Variants in DMD observed in about 807,000 individuals in gnomAD.
DMD encodes mutant dystrophin.
DMD carries 63 observed loss-of-function variants against 330.1 expected under a neutral mutation model. That is an observed-to-expected ratio of 0.19 (90% CI 0.16 to 0.24). The LOEUF (loss-of-function observed/expected upper bound fraction) is 0.24, where lower values mean the gene tolerates loss of function less well. Among genes scored for constraint, DMD ranks in the 10% least tolerant of loss-of-function variants. The pLI is 1.00. For synonymous variants in DMD, 1,223 were observed against 959.8 expected (o/e 1.27, Z -5.07); for missense variants, 3,344 against 2,684.1 (o/e 1.25, Z -5.43).
At chrX:31,520,115 T>G (rs2072609960) in intron 55 of DMD, among the ~76,000 whole-genome samples, 1 of 112,430 alleles carries the variant, frequency 8.9e-6, no homozygotes, top group Non-Finnish European at 1.9e-5. Context: ...GAAAAAAATG[T>G]CATAAAGGAA....
intron 43 of DMD, among the ~76,000 whole-genome samples, chrX:32,262,502 A>G (rs1209134969): frequency 9.0e-6 from 1 of 111,730 alleles, no homozygotes; most frequent in Admixed American, 9.5e-5. Context: ...ATTGTATATC[A>G]TTTATACCAC....
intron 7 of DMD, among the ~76,000 whole-genome samples, chrX:32,725,722 T>G (rs1647636212): frequency 9.0e-6 from 1 of 110,891 alleles, no homozygotes. Context: ...AAGCTGGGGT[T>G]GGTTAATGGG....
intron 7 of DMD, among the ~76,000 whole-genome samples, chrX:32,802,491 G>A (rs2076647884): frequency 9.0e-6 from 1 of 111,464 alleles, no homozygotes; most frequent in Non-Finnish European, 1.9e-5. Flanking sequence ...TGATTGTGCT[G>A]GCCAGAACTT....
intron 1 of DMD, among the ~76,000 whole-genome samples, chrX:33,235,525 CACA>C (rs2052460731): frequency 8.9e-6 from 1 of 112,166 alleles, no homozygotes; most frequent in Non-Finnish European, 1.9e-5. Context: ...TAGTCCTACA[CACA>C]ACAATGGTCT....
chrX:33,217,426 C>T (rs1025663680), intron 1 of DMD, among the ~76,000 whole-genome samples: 1 of 111,254 alleles, frequency 9.0e-6, no homozygotes, highest in African/African-American at 3.3e-5. Flanking sequence ...CAGTATATAT[C>T]TCCGTTTATT....
chrX:32,743,230 TAA>T (rs2069532826), intron 7 of DMD, among the ~76,000 whole-genome samples: 1 of 111,279 alleles, frequency 9.0e-6, no homozygotes, highest in Non-Finnish European at 1.9e-5. Flanking sequence ...CTTCAAAGGA[TAA>T]GTCTGAGGTG....
chrX:32,111,144 T>G (rs765807531), intron 44 of DMD, among the ~76,000 whole-genome samples: 1 of 112,128 alleles, frequency 8.9e-6, no homozygotes, highest in African/African-American at 3.2e-5. Flanking sequence ...AAGGTTCCAT[T>G]TTCACATACG....
At chrX:32,407,398 G>C (rs1364908798) in intron 30 of DMD, among the ~76,000 whole-genome samples, 1 of 111,930 alleles carries the variant, frequency 8.9e-6, no homozygotes, top group Non-Finnish European at 1.9e-5. Flanking sequence ...CTGGCCATCA[G>C]AGAAATGCAA....
chrX:31,137,475 A>G (rs1800212743), intron 76 of DMD, among the ~76,000 whole-genome samples: 1 of 112,075 alleles, frequency 8.9e-6, no homozygotes, highest in Admixed American at 9.4e-5. Context: ...AAGTAATACC[A>G]TTGTAATATT....
chrX:32,337,955 C>A (rs2097723459), intron 41 of DMD, among the ~76,000 whole-genome samples: 1 of 111,277 alleles, frequency 9.0e-6, no homozygotes, highest in Admixed American at 9.6e-5. Context: ...TTATTTTACA[C>A]AAATATATTG....
chrX:33,265,333 A>T (rs897881729), intron 1 of DMD, among the ~76,000 whole-genome samples: 1 of 111,127 alleles, frequency 9.0e-6, no homozygotes, highest in East Asian at 2.8e-4. Flanking sequence ...AAAAGATGCC[A>T]TTATTACAAC....
intron 5 of DMD, among the ~76,000 whole-genome samples, chrX:32,819,397 C>T (rs1270470177): frequency 9.0e-6 from 1 of 111,040 alleles, no homozygotes; most frequent in Non-Finnish European, 1.9e-5. Context: ...TAGCTCACCA[C>T]TGTTAGCAAG....
At chrX:31,336,163 C>T (rs895300170) in intron 61 of DMD, among the ~76,000 whole-genome samples, 1 of 112,745 alleles carries the variant, frequency 8.9e-6, no homozygotes, top group Admixed American at 9.3e-5. Context: ...AATAATTCCT[C>T]AGGCATAGGT....
At chrX:33,309,675 A>G (rs1288944601) in intron 1 of DMD, among the ~76,000 whole-genome samples, 1 of 111,174 alleles carries the variant, frequency 9.0e-6, no homozygotes, top group East Asian at 2.8e-4. Flanking sequence ...AGATGCAACC[A>G]TTTGCATAAA....
intron 23 of DMD, 126 bp from the exon 24 acceptor site, chrX:32,464,825 T>C: frequency 9.5e-6 from 5 of 524,788 alleles, no homozygotes; most frequent in Non-Finnish European, 1.7e-5. Flanking sequence ...CTCTAAGTAG[T>C]TCTTGAGGCA....
intron 50 of DMD, among the ~76,000 whole-genome samples, chrX:31,793,388 A>C (rs6628646): frequency 9.0e-6 from 1 of 110,691 alleles, no homozygotes; most frequent in East Asian, 2.9e-4. Flanking sequence ...GAGTTGTGTA[A>C]ATGCCTATAT....
At chrX:32,046,777 T>G (rs2096067373) in intron 44 of DMD, among the ~76,000 whole-genome samples, 1 of 111,926 alleles carries the variant, frequency 8.9e-6, no homozygotes, top group Non-Finnish European at 1.9e-5. Flanking sequence ...TATTTCCCTG[T>G]GGAAGAACAA....
intron 55 of DMD, among the ~76,000 whole-genome samples, chrX:31,594,309 C>T (rs1395034731): frequency 9.1e-6 from 1 of 110,259 alleles, no homozygotes. Flanking sequence ...GACAAATTAG[C>T]TCAGAGTTAT....
chrX:31,416,446 T>G (rs1340459701), intron 60 of DMD, among the ~76,000 whole-genome samples: 1 of 112,332 alleles, frequency 8.9e-6, no homozygotes, highest in Non-Finnish European at 1.9e-5. Flanking sequence ...ACCTGTTGCT[T>G]GGGCTTTTAA....
Sources: allele counts gnomAD v4.1 joint callset (sites outside exome capture counted in the v4.1 genomes callset), GRCh38; gene constraint gnomAD v4.1.1; transcripts MANE v1.5; gene names NCBI Gene and HGNC (gene_info 2026-07-23, HGNC 2026-07-21).